The following INPP4B variants were observed in gnomAD, a reference collection of about 807,000 sequenced individuals.
The protein encoded by INPP4B is inositol polyphosphate-4-phosphatase type II B.
A neutral mutation model predicts 122.5 loss-of-function variants in INPP4B; 55 were observed. The ratio of observed to expected loss-of-function variants is 0.45; its 90% CI spans 0.36 to 0.56. The LOEUF is 0.56. INPP4B is among the 20% of genes least tolerant of loss of function. The pLI, the probability that INPP4B is intolerant of heterozygous loss-of-function variation, is 0.00. For synonymous variants in INPP4B, 403 were observed against 388.7 expected (o/e 1.04, Z -0.43); for missense variants, 1,000 against 1,097.7 (o/e 0.91, Z 1.26).
chr4:142,692,603 G>A (rs1436009468), intron 2 of INPP4B, among the ~76,000 whole-genome samples: 6 of 152,134 alleles, frequency 3.9e-5, no homozygotes, highest in Non-Finnish European at 8.8e-5. Flanking sequence ...CTATTCTTTC[G>A]AGCAGATCTG....
intron 2 of INPP4B, among the ~76,000 whole-genome samples, chr4:142,640,721 A>G (rs988710156): frequency 2.0e-5 from 3 of 152,052 alleles, no homozygotes; most frequent in Non-Finnish European, 4.4e-5. Flanking sequence ...ATAATTCCTA[A>G]CAATTAAAAT....
At chr4:142,034,767 A>G (rs1479165071) in intron 25 of INPP4B, among the ~76,000 whole-genome samples, 2 of 152,128 alleles carry the variant, frequency 1.3e-5, no homozygotes, top group African/African-American at 4.8e-5. Context: ...CACTCCAGTC[A>G]TGCTCATTCT....
rs115781777 is a variant in INPP4B at position 142,543,237 on chromosome 4, C to T, written c.-190-80511G>A. 3.4e-3 allele frequency among the ~76,000 whole-genome samples: 511 copies of T among 152,206 alleles called. 1 individual carries two copies. Among genetic ancestry groups the T allele is most frequent in the Non-Finnish European group, 4.3e-3 (294 of 67,980 alleles). ...ACATTTTCAGTCTCTCTATTTTAAT[C>T]ACTAAATAAATGCTGTTTCCAATTA... On this transcript the variant is annotated intron_variant, in intron 2 of 25. Transcript: ENST00000262992.
Position 142,023,691 on chromosome 4 carries a change from A to G in INPP4B, c.*5091T>C, listed in dbSNP as rs988718689. ...TGGCGGTAATTTAGATGATTGAAGGAATATTATGAATGTATTTACACTGTG... is the reference window on the plus strand; with the variant it reads ...TGGCGGTAATTTAGATGATTGAAGGGATATTATGAATGTATTTACACTGTG... On this transcript the variant is annotated 3_prime_UTR_variant, in exon 26 of 26. Transcript: ENST00000262992. 2.0e-5 allele frequency: 3 copies of G among 152,156 alleles called. No homozygotes were observed. Among genetic ancestry groups the G allele is most frequent in the African/African-American group, 7.2e-5 (3 of 41,446 alleles). The allele number at this position is 152,156 out of a possible 1,614,324, so 9.4% of individuals were successfully genotyped here.
At chr4:142,318,728 T>G (rs916029355) in intron 7 of INPP4B, among the ~76,000 whole-genome samples, 1 of 152,208 alleles carries the variant, frequency 6.6e-6, no homozygotes, top group African/African-American at 2.4e-5. Flanking sequence ...AAGGTTCATC[T>G]AAAATAAATT....
chr4:142,603,290 C>T (rs1740473277), intron 2 of INPP4B, among the ~76,000 whole-genome samples: 2 of 151,838 alleles, frequency 1.3e-5, no homozygotes, highest in African/African-American at 4.8e-5. Context: ...GGCTTAATAC[C>T]TAGGTGATGG....
rs553562657 is a variant in INPP4B at position 142,667,829 on chromosome 4, G to A, written c.-191+58010C>T. On this transcript the variant is annotated intron_variant, in intron 2 of 25. Coordinates refer to ENST00000262992, the MANE Select transcript of INPP4B (RefSeq NM_001101669.3). ...TAGAGGTGCAAATCTGAAACTAAGT[G>A]CTATGATGATGATTCAAGGATAAAT... 8.5e-5 allele frequency among the ~76,000 whole-genome samples: 13 copies of A among 152,304 alleles called. No homozygotes were observed. In the South Asian group the frequency reaches 2.5e-3, roughly 29 times the overall value.
intron 1 of INPP4B, among the ~76,000 whole-genome samples, chr4:142,807,942 G>T (rs1373344002): frequency 1.3e-5 from 2 of 152,128 alleles, no homozygotes; most frequent in Admixed American, 6.5e-5. Context: ...TGCATGGGTT[G>T]CACAGGTACC....
chr4:142,117,548 C>A (rs970170778), intron 21 of INPP4B, among the ~76,000 whole-genome samples: 3 of 151,958 alleles, frequency 2.0e-5, no homozygotes, highest in African/African-American at 7.2e-5. Flanking sequence ...ATAAACAGAA[C>A]CAAAGACAAA....
chr4:142,387,372 T>C (rs555573182), intron 7 of INPP4B, among the ~76,000 whole-genome samples: 5 of 151,422 alleles, frequency 3.3e-5, no homozygotes, highest in South Asian at 4.1e-4. Flanking sequence ...TTCTGGCGTA[T>C]ACATTAGGCC....
intron 7 of INPP4B, among the ~76,000 whole-genome samples, chr4:142,401,286 TG>T: frequency 6.6e-6 from 1 of 152,146 alleles, no homozygotes; most frequent in Middle Eastern, 3.4e-3. Context: ...CAAAAAACCG[TG>T]GGTGAGAGCT....
At chr4:142,482,269 T>G (rs1820651706) in intron 2 of INPP4B, among the ~76,000 whole-genome samples, 1 of 152,194 alleles carries the variant, frequency 6.6e-6, no homozygotes, top group African/African-American at 2.4e-5. Flanking sequence ...ACTACCTTCC[T>G]TTATTGCTTC....
At chr4:142,745,336 A>T (rs1302436963) in intron 1 of INPP4B, among the ~76,000 whole-genome samples, 1 of 151,930 alleles carries the variant, frequency 6.6e-6, no homozygotes, top group Non-Finnish European at 1.5e-5. Flanking sequence ...ATTACATGAA[A>T]TGTAAACAGA....
chr4:142,302,962 T>C (rs1280849946), intron 9 of INPP4B, among the ~76,000 whole-genome samples: 1 of 152,112 alleles, frequency 6.6e-6, no homozygotes, highest in African/African-American at 2.4e-5. Context: ...AAAGGTGACA[T>C]ACGAATAGAA....
At chr4:142,575,170 C>T (rs1288279631) in intron 2 of INPP4B, among the ~76,000 whole-genome samples, 1 of 151,574 alleles carries the variant, frequency 6.6e-6, no homozygotes, top group African/African-American at 2.4e-5. Flanking sequence ...CAGTTCAGTC[C>T]CAAATCCAAT....
At chr4:142,845,731 G>C (rs950097623) in intron 1 of INPP4B, among the ~76,000 whole-genome samples, 43 of 149,768 alleles carry the variant, frequency 2.9e-4, no homozygotes, top group African/African-American at 9.5e-4. Context: ...TCCCAGGCCG[G>C]CGGCGGCGGC....
intron 1 of INPP4B, among the ~76,000 whole-genome samples, chr4:142,791,682 C>T (rs1007382820): frequency 6.6e-6 from 1 of 152,020 alleles, no homozygotes; most frequent in Non-Finnish European, 1.5e-5. Flanking sequence ...AATACCTCGG[C>T]CCCCTTGGGT....
intron 2 of INPP4B, among the ~76,000 whole-genome samples, chr4:142,487,281 T>A (rs932101293): frequency 6.6e-6 from 1 of 152,144 alleles, no homozygotes; most frequent in African/African-American, 2.4e-5. Context: ...AATTGCCCAG[T>A]CTCAGGTATG....
chr4:142,034,227 T>C (rs574081934), intron 25 of INPP4B, among the ~76,000 whole-genome samples: 2 of 152,290 alleles, frequency 1.3e-5, no homozygotes, highest in East Asian at 1.9e-4. Flanking sequence ...CAAGTGATGT[T>C]ACCCAGGGAC....
Sources: allele counts gnomAD v4.1 joint callset (sites outside exome capture counted in the v4.1 genomes callset), GRCh38; gene constraint gnomAD v4.1.1; transcripts MANE v1.5; gene names NCBI Gene and HGNC (gene_info 2026-07-23, HGNC 2026-07-21).